The following RHOJ variants were observed in gnomAD, a reference collection of about 807,000 sequenced individuals.
RHOJ encodes ras homolog family member J, also known as rho-related GTP-binding protein RhoJ.
RHOJ carries 11 observed loss-of-function variants against 23.4 expected under a neutral mutation model. The ratio of observed to expected loss-of-function variants is 0.47; its 90% CI spans 0.30 to 0.78. The LOEUF (loss-of-function observed/expected upper bound fraction) is 0.78. RHOJ is among the 30% of genes least tolerant of loss of function. The pLI is 0.08. For missense variants in RHOJ, 254 were observed against 273.4 expected, an observed-to-expected ratio of 0.93 and a Z score of 0.50; for synonymous variants, 102 against 102.7, an observed-to-expected ratio of 0.99 and a Z score of 0.04.
In RHOJ at chr14:63,244,412, CA is replaced by C. The variant is rs10685300; in HGVS notation, c.179-24683del. Among the ~76,000 whole-genome samples the C allele has an allele frequency of 4.4e-3, 573 of 131,182 alleles. 2 individuals are homozygous for C. The highest frequency in any genetic ancestry group is 0.038 in the East Asian group (181 of 4,768). 86.1% of individuals were successfully genotyped at this position (131,182 alleles called of 152,430 possible). On this transcript the variant is annotated intron_variant, in intron 1 of 4. Transcript: ENST00000316754. ...AGAAACACCATCTCTACTAAAAATA[CA>C]AAAAAAAAAAAAAATTAGCCAGGCG...
chr14:63,235,733 C>G (rs1894777668), intron 1 of RHOJ, among the ~76,000 whole-genome samples: 1 of 152,186 alleles, frequency 6.6e-6, no homozygotes, highest in Admixed American at 6.5e-5. Context: ...GCAACACACA[C>G]TATTTCAAAC....
intron 1 of RHOJ, among the ~76,000 whole-genome samples, chr14:63,221,740 CGGT>C (rs1301697863): frequency 1.3e-5 from 2 of 152,154 alleles, no homozygotes; most frequent in Non-Finnish European, 2.9e-5. Context: ...GAGAAGATTT[CGGT>C]GTGAGTGGAT....
At chr14:63,211,999 C>T (rs1894247887) in intron 1 of RHOJ, among the ~76,000 whole-genome samples, 2 of 152,200 alleles carry the variant, frequency 1.3e-5, no homozygotes, top group Admixed American at 1.3e-4. Context: ...GTATTCCTTG[C>T]TCATGTGATG....
chr14:63,261,794 A>G (rs534777607), intron 1 of RHOJ, among the ~76,000 whole-genome samples: 1 of 152,254 alleles, frequency 6.6e-6, no homozygotes, highest in East Asian at 1.9e-4. Flanking sequence ...TGCTCTTTGA[A>G]CAAGATTTAC....
At chr14:63,235,169 G>A (rs17824401) in intron 1 of RHOJ, among the ~76,000 whole-genome samples, 8,560 of 151,324 alleles carry the variant, frequency 0.057, 325 homozygotes, top group East Asian at 0.22. Context: ...TTACTGGTCC[G>A]GGATGTGATA....
At chr14:63,218,202 A>G (rs1475018570) in intron 1 of RHOJ, among the ~76,000 whole-genome samples, 1 of 152,188 alleles carries the variant, frequency 6.6e-6, no homozygotes, top group Non-Finnish European at 1.5e-5. Flanking sequence ...ATCTTCATAT[A>G]AGTTCAAGAG....
rs754733499 is a variant in RHOJ at position 63,290,865 on chromosome 14, T to C, written c.499-13T>C. On this transcript the variant is annotated splice_polypyrimidine_tract_variant and intron_variant, in intron 4 of 4. Coordinates refer to ENST00000316754, the MANE Select transcript of RHOJ (RefSeq NM_020663.5). The stretch of plus-strand genomic sequence containing the variant: ...TTTTTATCTCTCATGCCTTTCTCTC[T>C]TTTGTGTTTAAGATCGGAGCACAGT... 2 of 1,600,502 alleles carry C rather than the reference T, an allele frequency of 1.2e-6. No individual in the cohort carries two copies. Among genetic ancestry groups the C allele is most frequent in the African/African-American group, 2.7e-5 (2 of 74,196 alleles).
intron 1 of RHOJ, among the ~76,000 whole-genome samples, chr14:63,220,509 C>A (rs544293076): frequency 6.6e-6 from 1 of 151,552 alleles, no homozygotes; most frequent in African/African-American, 2.4e-5. Context: ...AACCAACCAA[C>A]CAAACAAAAT....
intron 1 of RHOJ, among the ~76,000 whole-genome samples, chr14:63,238,639 C>T (rs1028127861): frequency 2.0e-5 from 3 of 152,084 alleles, no homozygotes; most frequent in Non-Finnish European, 4.4e-5. Context: ...CCAGGCTGGT[C>T]TCGAACTCCT....
At chr14:63,227,244 G>T (rs545774046) in intron 1 of RHOJ, among the ~76,000 whole-genome samples, 2 of 152,116 alleles carry the variant, frequency 1.3e-5, no homozygotes, top group Non-Finnish European at 1.5e-5. Flanking sequence ...GAGCCACCGC[G>T]CCCAGCCGAG....
At chr14:63,260,611 T>G (rs762197873) in intron 1 of RHOJ, among the ~76,000 whole-genome samples, 9 of 152,232 alleles carry the variant, frequency 5.9e-5, no homozygotes, top group Admixed American at 5.9e-4. Flanking sequence ...TTTTCTGTGG[T>G]TATTTTACAT....
At chr14:63,209,314 G>T (rs1894182718) in intron 1 of RHOJ, among the ~76,000 whole-genome samples, 1 of 152,100 alleles carries the variant, frequency 6.6e-6, no homozygotes, top group African/African-American at 2.4e-5. Flanking sequence ...ATATTATGTT[G>T]TATATGATGC....
intron 1 of RHOJ, among the ~76,000 whole-genome samples, chr14:63,267,722 G>A (rs1895392721): frequency 2.0e-5 from 3 of 152,214 alleles, no homozygotes; most frequent in African/African-American, 7.2e-5. Flanking sequence ...GAAAGGAAGT[G>A]AAAACATTTA....
chr14:63,218,427 G>A (rs989056841), intron 1 of RHOJ, among the ~76,000 whole-genome samples: 2 of 152,134 alleles, frequency 1.3e-5, no homozygotes, highest in Non-Finnish European at 2.9e-5. Context: ...ACAGTTTTTG[G>A]TATTAAAGGA....
chr14:63,216,389 A>C (rs1037037342), intron 1 of RHOJ, among the ~76,000 whole-genome samples: 5 of 152,226 alleles, frequency 3.3e-5, no homozygotes, highest in Admixed American at 1.3e-4. Context: ...CAAACCTCCT[A>C]AGAATTATGA....
In RHOJ at chr14:63,226,698, GA is replaced by G. The variant is rs1034590834; in HGVS notation, c.178+21661del. Among the ~76,000 whole-genome samples, 30 of 147,564 alleles carry G rather than the reference GA, an allele frequency of 2.0e-4. No homozygotes were observed. The East Asian group carries it at 3.3e-3, about 16-fold the overall frequency. ...TAGACCAGATTTGAATATTGCTCAA[GA>G]AAAAAAAAATATCCTGGAGTAAAAG... On this transcript the variant is annotated intron_variant, in intron 1 of 4. Coordinates refer to ENST00000316754, the MANE Select transcript of RHOJ (RefSeq NM_020663.5).
intron 2 of RHOJ, among the ~76,000 whole-genome samples, chr14:63,270,170 C>CATT (rs1895442012): frequency 7.8e-6 from 1 of 128,202 alleles, no homozygotes; most frequent in African/African-American, 2.9e-5. Flanking sequence ...TCGTCTAGGC[C>CATT]TTTTTTTTTT....
At chr14:63,278,832 A>T (rs1881810682) in intron 2 of RHOJ, among the ~76,000 whole-genome samples, 1 of 152,052 alleles carries the variant, frequency 6.6e-6, no homozygotes, top group Admixed American at 6.6e-5. Context: ...CAAAAAAAAT[A>T]AAAATTGGCT....
chr14:63,278,188 T>A (rs1429410334), intron 2 of RHOJ, among the ~76,000 whole-genome samples: 2 of 152,176 alleles, frequency 1.3e-5, no homozygotes, highest in African/African-American at 4.8e-5. Context: ...TCAGCATCAT[T>A]GCCCTCTTGC....
Sources: allele counts gnomAD v4.1 joint callset (sites outside exome capture counted in the v4.1 genomes callset), GRCh38; gene constraint gnomAD v4.1.1; transcripts MANE v1.5; gene names NCBI Gene and HGNC (gene_info 2026-07-23, HGNC 2026-07-21).